The following GPC6 variants were observed in gnomAD, a reference collection of about 807,000 sequenced individuals.
GPC6 encodes the protein glypican-6.
GPC6 carries 14 observed loss-of-function variants against 55.2 expected under a neutral mutation model. The ratio of observed to expected loss-of-function variants is 0.25; its 90% CI spans 0.17 to 0.40. The LOEUF is 0.40. Among genes scored for constraint, GPC6 ranks in the 10% least tolerant of loss-of-function variants. The pLI is 1.00. For missense variants in GPC6, 641 were observed against 708.5 expected (o/e 0.90, Z 1.08); for synonymous variants, 278 against 259.6 (o/e 1.07, Z -0.68).
intron 6 of GPC6, among the ~76,000 whole-genome samples, chr13:94,379,198 A>G (rs956222537): frequency 1.3e-5 from 2 of 152,232 alleles, no homozygotes; most frequent in Non-Finnish European, 2.9e-5. Context: ...CTGATATTGA[A>G]AAATAAACTG....
At chr13:93,572,374 A>C (rs1404516654) in intron 2 of GPC6, among the ~76,000 whole-genome samples, 1 of 152,136 alleles carries the variant, frequency 6.6e-6, no homozygotes, top group Non-Finnish European at 1.5e-5. Flanking sequence ...AACAAATGAG[A>C]ACTTGGAATG....
At chr13:94,319,639 G>C (rs575095333) in intron 6 of GPC6, among the ~76,000 whole-genome samples, 5 of 152,152 alleles carry the variant, frequency 3.3e-5, no homozygotes, top group Non-Finnish European at 7.4e-5. Flanking sequence ...CCTCATTCTT[G>C]AAAGACATTT....
intron 2 of GPC6, among the ~76,000 whole-genome samples, chr13:93,567,104 G>A (rs1018734128): frequency 3.3e-5 from 5 of 152,092 alleles, no homozygotes; most frequent in East Asian, 1.9e-4. Context: ...TGGGTCAAAC[G>A]ATATTTCTAG....
At chr13:93,517,990 T>TTA (rs1349066660) in intron 1 of GPC6, among the ~76,000 whole-genome samples, 3 of 107,100 alleles carry the variant, frequency 2.8e-5, no homozygotes, top group Admixed American at 2.0e-4. Flanking sequence ...TATTATTATT[T>TTA]TTAGGGGTAT....
At position 94,407,819 on chromosome 13, in the gene GPC6, G is replaced by A. The variant is rs1420540229; in HGVS notation, c.*4602G>A. 6.6e-6 allele frequency among the ~76,000 whole-genome samples: 1 copy of A among 152,092 alleles called. No individual in the cohort carries two copies. The highest frequency in any genetic ancestry group is 2.4e-5 in the African/African-American group (1 of 41,416). ...CATCCTCTCAGGCATGCTAAATATT[G>A]TATAACCTGCTAAAGATTTATTTCA... is the stretch of plus-strand genomic sequence containing the variant. On this transcript the variant is annotated 3_prime_UTR_variant, in exon 9 of 9. Transcript: ENST00000377047.
At chr13:93,796,441 T>C (rs922420918) in intron 2 of GPC6, among the ~76,000 whole-genome samples, 11 of 152,182 alleles carry the variant, frequency 7.2e-5, no homozygotes, top group Non-Finnish European at 1.6e-4. Flanking sequence ...ACAGTACTAA[T>C]AGGCTTCACA....
At chr13:94,391,583 A>G (rs1880646789) in intron 7 of GPC6, among the ~76,000 whole-genome samples, 1 of 152,234 alleles carries the variant, frequency 6.6e-6, no homozygotes, top group African/African-American at 2.4e-5. Context: ...GAAAAAAGTA[A>G]TTCTTATCAA....
chr13:93,461,645 G>T (rs1027853382), intron 1 of GPC6, among the ~76,000 whole-genome samples: 1 of 106,210 alleles, frequency 9.4e-6, no homozygotes, highest in Non-Finnish European at 1.8e-5. Flanking sequence ...TTTCATAGCT[G>T]AAGATACTAG....
At chr13:94,165,983 C>G (rs1228425386) in intron 4 of GPC6, among the ~76,000 whole-genome samples, 2 of 152,040 alleles carry the variant, frequency 1.3e-5, no homozygotes, top group Non-Finnish European at 2.9e-5. Flanking sequence ...GAAAATTTTT[C>G]ATGTATTCCC....
intron 4 of GPC6, among the ~76,000 whole-genome samples, chr13:94,279,007 A>C (rs1025259125): frequency 6.6e-6 from 1 of 152,192 alleles, no homozygotes; most frequent in Admixed American, 6.5e-5. Context: ...TTTCAGAAAG[A>C]ATGGTACCAG....
chr13:93,844,338 C>A (rs972381520), intron 3 of GPC6, among the ~76,000 whole-genome samples: 3 of 152,040 alleles, frequency 2.0e-5, no homozygotes, highest in African/African-American at 7.2e-5. Context: ...GGGGTTTCAC[C>A]ATGTTGGCCA....
At chr13:94,062,104 C>T (rs1476135110) in intron 4 of GPC6, among the ~76,000 whole-genome samples, 1 of 152,116 alleles carries the variant, frequency 6.6e-6, no homozygotes, top group Non-Finnish European at 1.5e-5. Flanking sequence ...TCAAATTTCC[C>T]AAACAACTGG....
chr13:93,718,258 C>T (rs946273694), intron 2 of GPC6, among the ~76,000 whole-genome samples: 3 of 151,992 alleles, frequency 2.0e-5, no homozygotes, highest in Non-Finnish European at 4.4e-5. Context: ...TTCTCCACAT[C>T]CTCTCCAGCA....
chr13:93,910,746 C>T (rs1370055316), intron 3 of GPC6, among the ~76,000 whole-genome samples: 1 of 152,168 alleles, frequency 6.6e-6, no homozygotes, highest in Non-Finnish European at 1.5e-5. Context: ...TGCCCCCAAC[C>T]CTTAATCCAG....
At chr13:94,357,510 C>G (rs1182231715) in intron 6 of GPC6, among the ~76,000 whole-genome samples, 2 of 152,186 alleles carry the variant, frequency 1.3e-5, no homozygotes, top group Non-Finnish European at 2.9e-5. Context: ...CGTGAACACA[C>G]AATTCTGCGG....
At chr13:93,955,089 C>A (rs1351306637) in intron 3 of GPC6, among the ~76,000 whole-genome samples, 1 of 152,104 alleles carries the variant, frequency 6.6e-6, no homozygotes, top group Non-Finnish European at 1.5e-5. Context: ...TGCCATTGAC[C>A]AAGGGATGAA....
intron 3 of GPC6, among the ~76,000 whole-genome samples, chr13:93,974,323 T>C (rs1051019006): frequency 3.9e-5 from 6 of 152,164 alleles, no homozygotes; most frequent in Admixed American, 6.5e-5. Flanking sequence ...TACAAAAAAC[T>C]TGGAATACAG....
chr13:93,358,734 T>A (rs573630553), intron 1 of GPC6, among the ~76,000 whole-genome samples: 1 of 152,368 alleles, frequency 6.6e-6, no homozygotes, highest in South Asian at 2.1e-4. Flanking sequence ...GTATTTGTTT[T>A]CATTCATATC....
chr13:94,113,057 G>A (rs929715545), intron 4 of GPC6, among the ~76,000 whole-genome samples: 1 of 152,106 alleles, frequency 6.6e-6, no homozygotes, highest in African/African-American at 2.4e-5. Context: ...GAAAGAAAGT[G>A]TGCTCTTTTC....
Sources: allele counts gnomAD v4.1 joint callset (sites outside exome capture counted in the v4.1 genomes callset), GRCh38; gene constraint gnomAD v4.1.1; transcripts MANE v1.5; gene names NCBI Gene and HGNC (gene_info 2026-07-23, HGNC 2026-07-21).